The following GNPNAT1 variants were observed in gnomAD, a reference collection of about 807,000 sequenced individuals.
GNPNAT1 encodes glucosamine-phosphate N-acetyltransferase 1, also known as glucosamine 6-phosphate N-acetyltransferase.
Under a neutral mutation model 19.8 loss-of-function variants are expected in GNPNAT1, and 11 were observed. The observed-to-expected ratio is 0.56, with a 90% CI of 0.35 to 0.92. GNPNAT1 has a LOEUF of 0.92. GNPNAT1 is among the 40% of genes least tolerant of loss of function. The probability of loss-of-function intolerance (pLI) is 0.01; values close to 1 mark genes in which losing one functional copy is unlikely to be tolerated. For missense variants in GNPNAT1, 157 were observed against 211.0 expected (o/e 0.74, Z 1.59); for synonymous variants, 71 against 72.3 (o/e 0.98, Z 0.09).
At position 52,791,111 on chromosome 14, in the gene GNPNAT1, G is replaced by C. The variant is rs1488674982; in HGVS notation, c.-15+317C>G. Reference sequence around the variant, plus strand: ...CGCGACCAACTGTCTCATTTCCCACGCCAAAGTCTGGGGAGCGAAGTTCCG... The same window carrying C: ...CGCGACCAACTGTCTCATTTCCCACCCCAAAGTCTGGGGAGCGAAGTTCCG... On this transcript the variant is annotated intron_variant, in intron 1 of 5. Coordinates refer to ENST00000216410, the MANE Select transcript of GNPNAT1 (RefSeq NM_198066.4). The surrounding 1 kb of genome is among the most constrained non-coding windows in gnomAD (Gnocchi z 4.1). Among the ~76,000 whole-genome samples, 1 of 152,148 alleles carries C rather than the reference G, an allele frequency of 6.6e-6. No homozygotes were observed. Among genetic ancestry groups the C allele is most frequent in the African/African-American group, 2.4e-5 (1 of 41,444 alleles).
intron 5 of GNPNAT1, among the ~76,000 whole-genome samples, chr14:52,779,427 C>T (rs750381113): frequency 2.0e-5 from 3 of 151,900 alleles, no homozygotes; most frequent in African/African-American, 4.8e-5. Context: ...TTAAAAAAAA[C>T]AAAAGACCTT....
At chr14:52,778,797 G>T (rs953998403) in intron 5 of GNPNAT1, among the ~76,000 whole-genome samples, 1 of 152,050 alleles carries the variant, frequency 6.6e-6, no homozygotes, top group Non-Finnish European at 1.5e-5. Flanking sequence ...GCAGGCGATC[G>T]CTAGAGCCCA....
In GNPNAT1 at chr14:52,780,692, G is replaced by T; in HGVS notation, c.394C>A (p.Gln132Lys). 6.2e-7 allele frequency: 1 copy of T among 1,606,276 alleles called. No homozygotes were observed. Among genetic ancestry groups the T allele is most frequent in the Non-Finnish European group, 8.5e-7 (1 of 1,173,582 alleles). The change falls in exon 5 of 6, where the codon CAG becomes AAG. Residue 132 changes from glutamine to lysine, a missense_variant. By Grantham distance (53) the Gln-to-Lys change is moderately conservative. Transcript: ENST00000216410. ...CTGCCTACTTACAATTTGCCAAGCT[G>T]CTTTCCTCTGCATTCATCACTAACA... ...VVVSDECRGK[Q>K]LGKLLLSTLT...
At chr14:52,784,326 G>T (rs1882961049) in intron 2 of GNPNAT1, among the ~76,000 whole-genome samples, 171 bp downstream of exon 2, 1 of 151,976 alleles carries the variant, frequency 6.6e-6, no homozygotes, top group Admixed American at 6.6e-5. Context: ...GTAATATTTG[G>T]TCTTAGCCAT....
At chr14:52,784,861 TA>T (rs371924556) in intron 1 of GNPNAT1, among the ~76,000 whole-genome samples, 197 bp from the exon 2 acceptor site, 2 of 147,908 alleles carry the variant, frequency 1.4e-5, no homozygotes, top group East Asian at 2.0e-4. Flanking sequence ...TACTATCAGA[TA>T]AAAAAATGGC....
chr14:52,783,475 C>T lies in GNPNAT1; in HGVS notation c.165G>A (p.Lys55=), dbSNP rs1388593166. 6.2e-7 allele frequency: 1 copy of T among 1,607,470 alleles called. No homozygotes were observed. The highest frequency in any genetic ancestry group is 8.5e-7 in the Non-Finnish European group (1 of 1,175,028). ...CAGTCTCTGTTAGCTGACCCAATACCTTAAAAAAACCTAGTTTTGAAAAAC... is the reference window on the plus strand; with the variant it reads ...CAGTCTCTGTTAGCTGACCCAATACTTTAAAAAAACCTAGTTTTGAAAAAC... ...CTADLNRGFF[K]VLGQLTETGV... The change falls in exon 3 of 6, where the codon AAG becomes AAA. Residue 55 remains lysine (K), a synonymous_variant. Transcript: ENST00000216410.
chr14:52,779,044 T>C (rs1594890146), intron 5 of GNPNAT1, among the ~76,000 whole-genome samples: 1 of 151,814 alleles, frequency 6.6e-6, no homozygotes, highest in Non-Finnish European at 1.5e-5. Flanking sequence ...TTAAGATGCA[T>C]GTTAACACTA....
rs1883160678 is a variant in GNPNAT1 at position 52,791,035 on chromosome 14, A to G, written c.-15+393T>C. Among the ~76,000 whole-genome samples the G allele has an allele frequency of 1.3e-5, 2 of 152,072 alleles. No homozygotes were observed. Among genetic ancestry groups the G allele is most frequent in the Non-Finnish European group, 2.9e-5 (2 of 67,996 alleles). ...GGGATGCGCCCGGGAATGGGAGAAG[A>G]GAAGGGGCCTGGGACGTTCGTGCCC... On this transcript the variant is annotated intron_variant, in intron 1 of 5. Transcript: ENST00000216410. This position sits in a 1 kb window ranked among gnomAD's most constrained non-coding sequence, Gnocchi z 4.1.
intron 1 of GNPNAT1, among the ~76,000 whole-genome samples, chr14:52,789,328 A>G (rs1162316532): frequency 6.6e-6 from 1 of 152,218 alleles, no homozygotes; most frequent in East Asian, 1.9e-4. Context: ...CTGAAGATGC[A>G]CTAGAGTAGA....
chr14:52,784,459 A>G lies in GNPNAT1; in HGVS notation c.154+38T>C, dbSNP rs765169195. Reference sequence around the variant, plus strand: ...ATCATAATGTTTAGAGAAAAATGGAAGGCTAACTCTAATTTTACACAGGAT... The same window carrying G: ...ATCATAATGTTTAGAGAAAAATGGAGGGCTAACTCTAATTTTACACAGGAT... On this transcript the variant is annotated intron_variant, in intron 2 of 5. Coordinates refer to ENST00000216410, the MANE Select transcript of GNPNAT1 (RefSeq NM_198066.4). 2.7e-6 allele frequency: 4 copies of G among 1,462,850 alleles called. No individual in the cohort carries two copies. The Admixed American group carries it at 1.0e-4, about 37-fold the overall frequency. 90.6% of individuals were successfully genotyped at this position (1,462,850 alleles called of 1,614,324 possible). A position where few individuals can be genotyped will look rare whatever the true frequency, so the allele number is the denominator to read the frequency against.
At chr14:52,786,468 C>T (rs1883021526) in intron 1 of GNPNAT1, among the ~76,000 whole-genome samples, 3 of 152,006 alleles carry the variant, frequency 2.0e-5, no homozygotes, top group Non-Finnish European at 4.4e-5. Context: ...CACACCATTG[C>T]GTTCCAGCCT....
chr14:52,786,981 A>C (rs988860937), intron 1 of GNPNAT1, among the ~76,000 whole-genome samples: 1 of 151,316 alleles, frequency 6.6e-6, no homozygotes, highest in Non-Finnish European at 1.5e-5. Flanking sequence ...CATCTTATAC[A>C]GATAGCACAA....
intron 1 of GNPNAT1, among the ~76,000 whole-genome samples, chr14:52,785,751 CTT>C (rs538972941): frequency 2.2e-5 from 3 of 138,468 alleles, no homozygotes; most frequent in Non-Finnish European, 3.2e-5. Context: ...GGCATGTAGC[CTT>C]TTTTTTTTTT....
intron 5 of GNPNAT1, among the ~76,000 whole-genome samples, chr14:52,780,405 A>T (rs1882865270): frequency 6.6e-6 from 1 of 152,154 alleles, no homozygotes. Context: ...CGATTAGCCC[A>T]AAAGTTTATC....
At position 52,775,254 on chromosome 14, in the gene GNPNAT1, G is replaced by A. The variant is rs1882674827; in HGVS notation, c.*3057C>T. ...TGAGCAAGTTTGGAGTTGGAAGTGAGAGAATCGTGTTTAAAGGAAAGGGTA... is the reference window on the plus strand; with the variant it reads ...TGAGCAAGTTTGGAGTTGGAAGTGAAAGAATCGTGTTTAAAGGAAAGGGTA... On this transcript the variant is annotated 3_prime_UTR_variant, in exon 6 of 6. Coordinates refer to ENST00000216410, the MANE Select transcript of GNPNAT1 (RefSeq NM_198066.4). The A allele has an allele frequency of 1.3e-5, 2 of 152,038 alleles. No homozygotes were observed. The highest frequency in any genetic ancestry group is 2.9e-5 in the Non-Finnish European group (2 of 68,032). 9.4% of individuals were successfully genotyped at this position (152,038 alleles called of 1,614,324 possible).
Position 52,781,884 on chromosome 14 carries a change from C to G in GNPNAT1, c.245G>C (p.Gly82Ala). The G allele has an allele frequency of 6.2e-7, 1 of 1,607,554 alleles. No homozygotes were observed. The highest frequency in any genetic ancestry group is 2.2e-5 in the East Asian group (1 of 44,514). The change falls in exon 4 of 6, where the codon GGG (glycine) becomes GCG (alanine). Residue 82 changes from glycine to alanine, a missense_variant. Transcript: ENST00000216410. ...MKSFEHMKKS[G>A]DYYVTVVEDV... Reference sequence around the variant, plus strand: ...TTCTACAACTGTAACATAATAATCCCCAGATTTCTTCATATGCTCAAAAGA... The same window carrying G: ...TTCTACAACTGTAACATAATAATCCGCAGATTTCTTCATATGCTCAAAAGA...
chr14:52,789,480 CA>C (rs769596489), intron 1 of GNPNAT1, among the ~76,000 whole-genome samples: 28 of 152,066 alleles, frequency 1.8e-4, no homozygotes, highest in Admixed American at 3.9e-4. Context: ...ATCTATTAAC[CA>C]GGCAATCAGA....
At position 52,776,263 on chromosome 14, in the gene GNPNAT1, T is replaced by C. The variant is rs1012799505; in HGVS notation, c.*2048A>G. ...GAGCAGTTTTTAAAAAAAAAAAGTTTAAGAAGTGTTTTATGTAGCACTTTT... is the reference window on the plus strand; with the variant it reads ...GAGCAGTTTTTAAAAAAAAAAAGTTCAAGAAGTGTTTTATGTAGCACTTTT... On this transcript the variant is annotated 3_prime_UTR_variant, in exon 6 of 6. Transcript: ENST00000216410. The C allele has an allele frequency of 6.6e-6, 1 of 152,156 alleles. No individual in the cohort carries two copies. Among genetic ancestry groups the C allele is most frequent in the African/African-American group, 2.4e-5 (1 of 41,414 alleles). 9.4% of individuals were successfully genotyped at this position (152,156 alleles called of 1,614,324 possible).
rs907793537 is a variant in GNPNAT1 at position 52,777,811 on chromosome 14, CTA to C, written c.*498_*499del. On this transcript the variant is annotated 3_prime_UTR_variant, in exon 6 of 6. Transcript: ENST00000216410. ...TGGGATCAACGAATGTTGGACTATA[CTA>C]TGTTTAGTTATAATAACTAATTTAT... 6.6e-6 allele frequency: 1 copy of C among 152,136 alleles called. No individual in the cohort carries two copies. Among genetic ancestry groups the C allele is most frequent in the African/African-American group, 2.4e-5 (1 of 41,402 alleles). The allele number at this position is 152,136 out of a possible 1,614,324, so 9.4% of individuals were successfully genotyped here. A position where few individuals can be genotyped will look rare whatever the true frequency, so the allele number is the denominator to read the frequency against.
Sources: gnomAD v4.1 joint callset for allele counts (sites outside exome capture counted in the v4.1 genomes callset) on GRCh38, gnomAD v4.1.1 for gene constraint, Gnocchi (gnomAD v3.1) non-coding constraint, MANE v1.5 for transcripts, NCBI Gene and HGNC (gene_info 2026-07-23, HGNC 2026-07-21) for gene names.